MGMT: variants seen among roughly 807,000 people sequenced by gnomAD.
MGMT encodes O-6-methylguanine-DNA methyltransferase.
Under a neutral mutation model 15.9 loss-of-function variants are expected in MGMT, and 14 were observed. The ratio of observed to expected loss-of-function variants is 0.88; its 90% confidence interval spans 0.58 to 1.37. The LOEUF is 1.37. Ranked by LOEUF, MGMT falls within the 40% of genes most tolerant of loss-of-function variation. The probability of loss-of-function intolerance (pLI) is 0.00; values close to 1 mark genes in which losing one functional copy is unlikely to be tolerated. For synonymous variants in MGMT, 130 were observed against 118.2 expected (o/e 1.10, Z -0.65); for missense variants, 282 against 268.1 (o/e 1.05, Z -0.36).
chr10:129,488,004 TACACACACACACAC>T (rs373298935), intron 1 of MGMT, among the ~76,000 whole-genome samples: 62 of 121,428 alleles, frequency 5.1e-4, no homozygotes, highest in African/African-American at 8.8e-4. Context: ...CACATAGGTA[TACACACACACACAC>T]ACACACACAC....
intron 2 of MGMT, among the ~76,000 whole-genome samples, chr10:129,573,674 A>C (rs2133040984): frequency 6.6e-6 from 1 of 152,346 alleles, no homozygotes; most frequent in Non-Finnish European, 1.5e-5. Context: ...CTAACTAACC[A>C]ACTTTTTCAG....
intron 3 of MGMT, chr10:129,715,653 T>TCTC (rs770294410): frequency 2.6e-5 from 4 of 152,222 alleles, no homozygotes; most frequent in Non-Finnish European, 5.9e-5. Context: ...AGTAGAATTA[T>TCTC]CTCCACTACC....
chr10:129,766,102 G>C (rs1848931041), intron 4 of MGMT, among the ~76,000 whole-genome samples: 1 of 152,202 alleles, frequency 6.6e-6, no homozygotes, highest in South Asian at 2.1e-4. Flanking sequence ...GCCTGTGTAT[G>C]GCTGCGTGGT....
chr10:129,591,920 G>A (rs575345415), intron 2 of MGMT, among the ~76,000 whole-genome samples: 13 of 152,318 alleles, frequency 8.5e-5, no homozygotes, highest in African/African-American at 3.1e-4. Flanking sequence ...GACAGAGCGA[G>A]ACTCCGTCTC....
intron 1 of MGMT, among the ~76,000 whole-genome samples, chr10:129,534,963 A>G (rs763651809): frequency 3.3e-5 from 5 of 152,164 alleles, no homozygotes; most frequent in African/African-American, 7.2e-5. Flanking sequence ...CCACTGTAGC[A>G]CGGAAGCAGC....
intron 2 of MGMT, among the ~76,000 whole-genome samples, chr10:129,638,322 A>G (rs1333464466): frequency 6.6e-6 from 1 of 151,340 alleles, no homozygotes; most frequent in African/African-American, 2.4e-5. Context: ...CCCATCTTAC[A>G]TTCCCTCCAG....
intron 2 of MGMT, among the ~76,000 whole-genome samples, chr10:129,596,455 A>G (rs1292907470): frequency 6.6e-6 from 1 of 152,158 alleles, no homozygotes; most frequent in African/African-American, 2.4e-5. Flanking sequence ...CCCAACATGC[A>G]CACCCTTCCT....
chr10:129,729,526 C>T (rs1354017329), intron 3 of MGMT, among the ~76,000 whole-genome samples: 1 of 152,200 alleles, frequency 6.6e-6, no homozygotes, highest in East Asian at 1.9e-4. Flanking sequence ...TTCCATCACT[C>T]AAAATCCAGG....
intron 2 of MGMT, among the ~76,000 whole-genome samples, chr10:129,610,504 C>A (rs1189984819): frequency 2.0e-5 from 3 of 152,254 alleles, no homozygotes; most frequent in African/African-American, 7.2e-5. Flanking sequence ...TTCTTCAGCT[C>A]TCCGTCCATA....
intron 3 of MGMT, among the ~76,000 whole-genome samples, chr10:129,712,301 C>T (rs544157833): frequency 4.6e-5 from 7 of 152,200 alleles, no homozygotes; most frequent in Admixed American, 3.9e-4. Context: ...GTTCAACGGA[C>T]GAGTTCTGAG....
intron 2 of MGMT, among the ~76,000 whole-genome samples, chr10:129,607,269 G>A (rs1482983832): frequency 6.6e-6 from 1 of 152,006 alleles, no homozygotes; most frequent in Non-Finnish European, 1.5e-5. Context: ...GAATATCCCG[G>A]GAAGAATTAC....
In MGMT at chr10:129,518,202, A is replaced by C. The variant is rs572079679; in HGVS notation, c.-12-18039A>C. On this transcript the variant is annotated intron_variant, in intron 1 of 4. Transcript: ENST00000651593. ...TATAATGATAGAAAAAAAATTTTTC[A>C]TCTCTGAAATTTGCCACCTTCTTTC... is the stretch of plus-strand genomic sequence containing the variant. Among the ~76,000 whole-genome samples, 11 of 152,034 alleles carry C rather than the reference A, an allele frequency of 7.2e-5. 1 individual carries two copies. The South Asian group carries it at 2.3e-3, about 32-fold the overall frequency.
chr10:129,619,595 C>G, intron 2 of MGMT, among the ~76,000 whole-genome samples: 1 of 151,930 alleles, frequency 6.6e-6, no homozygotes, highest in Non-Finnish European at 1.5e-5. Flanking sequence ...TTAAAAACAT[C>G]TGGGCCTGGA....
chr10:129,665,288 A>ACT (rs948434147), intron 2 of MGMT, among the ~76,000 whole-genome samples: 4 of 122,116 alleles, frequency 3.3e-5, no homozygotes, highest in Non-Finnish European at 7.1e-5. Context: ...CCCTCTCCCA[A>ACT]CTCTCTCTCT....
At chr10:129,518,318 G>A (rs888961900) in intron 1 of MGMT, among the ~76,000 whole-genome samples, 5 of 124,316 alleles carry the variant, frequency 4.0e-5, no homozygotes, top group African/African-American at 1.7e-4. Flanking sequence ...TAAATGATGT[G>A]TGTACAGATA....
chr10:129,686,660 G>A (rs191014361), intron 2 of MGMT, among the ~76,000 whole-genome samples: 1 of 152,314 alleles, frequency 6.6e-6, no homozygotes, highest in African/African-American at 2.4e-5. Context: ...ACCGTGCCCG[G>A]CCTGCCAGGG....
Position 129,766,983 on chromosome 10 carries a change from G to T in MGMT, c.610G>T (p.Ala204Ser). 6.2e-7 allele frequency: 1 copy of T among 1,601,846 alleles called. No individual in the cohort carries two copies. Among genetic ancestry groups the T allele is most frequent in the African/African-American group, 1.3e-5 (1 of 74,748 alleles). Residue 204 changes from alanine to serine, a missense_variant, in exon 5 of 5, where the codon GCT becomes TCT. Transcript: ENST00000651593. ...GGGAGCTACCTCGGGCTCCCCGCCT[G>T]CTGGCCGAAACTGAGTATGTGCAGT... The part of the protein sequence containing the change: ...GAGATSGSPP[A>S]GRN
In MGMT at chr10:129,566,936, C is replaced by T. The variant is rs1235364420; in HGVS notation, c.125+30559C>T. On this transcript the variant is annotated intron_variant, in intron 2 of 4. Coordinates refer to ENST00000651593, the MANE Select transcript of MGMT (RefSeq NM_002412.5). This position sits in a 1 kb window ranked among gnomAD's most constrained non-coding sequence, Gnocchi z 4.1. ...ATCCGTCATCAATGGAGATCAATAC[C>T]CAGGAGGTGCCATCTCTCTTGGCGG... is the stretch of plus-strand genomic sequence containing the variant. Among the ~76,000 whole-genome samples, 1 of 152,072 alleles carries T rather than the reference C, an allele frequency of 6.6e-6. No individual in the cohort carries two copies. Among genetic ancestry groups the T allele is most frequent in the Non-Finnish European group, 1.5e-5 (1 of 68,000 alleles).
intron 1 of MGMT, among the ~76,000 whole-genome samples, chr10:129,482,378 T>G (rs1452994527): frequency 6.6e-6 from 1 of 152,194 alleles, no homozygotes; most frequent in Non-Finnish European, 1.5e-5. Flanking sequence ...AAGTGTATAC[T>G]CTGTGGTTCT....
Sources: allele counts gnomAD v4.1 joint callset (sites outside exome capture counted in the v4.1 genomes callset), GRCh38; gene constraint gnomAD v4.1.1; non-coding constraint Gnocchi (gnomAD v3.1); transcripts MANE v1.5; gene names NCBI Gene and HGNC (gene_info 2026-07-23, HGNC 2026-07-21).